Variants in CNTNAP5 observed in about 807,000 individuals in gnomAD.
CNTNAP5 encodes contactin-associated protein-like 5.
Under a neutral mutation model 150.2 loss-of-function variants are expected in CNTNAP5, and 72 were observed. The ratio of observed to expected loss-of-function variants is 0.48; its 90% CI spans 0.40 to 0.58. The LOEUF is 0.58. Ranked by LOEUF, CNTNAP5 falls within the 20% of genes least tolerant of loss-of-function variation. The pLI, the probability that CNTNAP5 is intolerant of heterozygous loss-of-function variation, is 0.00. For synonymous variants in CNTNAP5, 672 were observed against 619.8 expected (o/e 1.08, Z -1.25); for missense variants, 1,636 against 1,626.2 (o/e 1.01, Z -0.10).
intron 3 of CNTNAP5, among the ~76,000 whole-genome samples, chr2:124,413,095 G>T (rs939124281): frequency 4.4e-5 from 4 of 90,316 alleles, no homozygotes; most frequent in African/African-American, 8.1e-5. Context: ...CTTCTCAAAA[G>T]AAGACATTTA....
At chr2:124,688,937 A>C (rs1679247357) in intron 13 of CNTNAP5, among the ~76,000 whole-genome samples, 1 of 152,112 alleles carries the variant, frequency 6.6e-6, no homozygotes, top group South Asian at 2.1e-4. Context: ...AAAACATTGA[A>C]TTCAGTGGTA....
At chr2:124,443,162 A>G (rs1692718762) in intron 5 of CNTNAP5, among the ~76,000 whole-genome samples, 1 of 151,596 alleles carries the variant, frequency 6.6e-6, no homozygotes, top group Admixed American at 6.6e-5. Flanking sequence ...TAAAGTAAAT[A>G]GAAACATCTA....
intron 19 of CNTNAP5, among the ~76,000 whole-genome samples, chr2:124,828,717 G>C (rs886795612): frequency 4.5e-5 from 4 of 88,026 alleles, no homozygotes; most frequent in South Asian, 4.1e-4. Context: ...ATGCCTTGCA[G>C]ACCAATGCAA....
intron 14 of CNTNAP5, among the ~76,000 whole-genome samples, chr2:124,753,328 A>G (rs912513554): frequency 1.6e-4 from 24 of 152,200 alleles, no homozygotes; most frequent in African/African-American, 5.3e-4. Context: ...TTACAGAGAA[A>G]TTATTTAATA....
intron 19 of CNTNAP5, among the ~76,000 whole-genome samples, chr2:124,850,275 T>A (rs1213408094): frequency 6.6e-6 from 1 of 152,060 alleles, no homozygotes; most frequent in Non-Finnish European, 1.5e-5. Context: ...ACAGATGTAA[T>A]AAATTAAGTT....
intron 14 of CNTNAP5, among the ~76,000 whole-genome samples, chr2:124,760,224 G>C (rs1246099410): frequency 6.6e-6 from 1 of 151,802 alleles, no homozygotes; most frequent in Non-Finnish European, 1.5e-5. Context: ...CTGAGTTCTT[G>C]AATTCTTCCT....
intron 1 of CNTNAP5, among the ~76,000 whole-genome samples, chr2:124,179,049 TTAG>T (rs1685138808): frequency 6.6e-6 from 1 of 151,726 alleles, no homozygotes; most frequent in Admixed American, 6.6e-5. Context: ...TGTATTGATA[TTAG>T]TGTTTCACCC....
intron 4 of CNTNAP5, among the ~76,000 whole-genome samples, chr2:124,431,682 A>G (rs1453385398): frequency 1.5e-5 from 2 of 134,036 alleles, no homozygotes; most frequent in East Asian, 2.1e-4. Flanking sequence ...ATAAATATAA[A>G]TAAATTTTAA....
chr2:124,164,718 G>A (rs546824035), intron 1 of CNTNAP5, among the ~76,000 whole-genome samples: 2 of 152,140 alleles, frequency 1.3e-5, no homozygotes, highest in Admixed American at 6.6e-5. Flanking sequence ...ACAGGGCCAC[G>A]TAAATCACAT....
At chr2:124,797,782 C>A (rs1257642408) in intron 18 of CNTNAP5, among the ~76,000 whole-genome samples, 1 of 152,150 alleles carries the variant, frequency 6.6e-6, no homozygotes, top group Non-Finnish European at 1.5e-5. Flanking sequence ...AGGAAATTAG[C>A]CAGGCAAGTG....
chr2:124,714,701 TTATACTA>T (rs1292600307), intron 13 of CNTNAP5, among the ~76,000 whole-genome samples: 2 of 151,406 alleles, frequency 1.3e-5, no homozygotes, highest in African/African-American at 4.8e-5. Flanking sequence ...ATATTGTACT[TTATACTA>T]TATATTGTAT....
intron 3 of CNTNAP5, among the ~76,000 whole-genome samples, chr2:124,314,539 T>C: frequency 6.6e-6 from 1 of 152,224 alleles, no homozygotes; most frequent in East Asian, 1.9e-4. Context: ...CACTTGATTA[T>C]GTCTGACTTC....
At chr2:124,654,959 T>C (rs1041782338) in intron 13 of CNTNAP5, among the ~76,000 whole-genome samples, 2 of 151,830 alleles carry the variant, frequency 1.3e-5, no homozygotes, top group Non-Finnish European at 1.5e-5. Flanking sequence ...CTCCCTATCA[T>C]CTTTTTATTA....
intron 17 of CNTNAP5, among the ~76,000 whole-genome samples, chr2:124,776,011 C>G (rs944651093): frequency 6.6e-6 from 1 of 152,212 alleles, no homozygotes; most frequent in African/African-American, 2.4e-5. Flanking sequence ...GTACTATTGT[C>G]TTTATCTGCA....
At chr2:124,312,435 GCACCA>G (rs1688852903) in intron 3 of CNTNAP5, among the ~76,000 whole-genome samples, 2 of 151,894 alleles carry the variant, frequency 1.3e-5, no homozygotes, top group African/African-American at 4.8e-5. Context: ...TGCAACCTCC[GCACCA>G]CTCCCCACCC....
intron 3 of CNTNAP5, among the ~76,000 whole-genome samples, chr2:124,302,441 T>C (rs1688587906): frequency 6.6e-6 from 1 of 152,166 alleles, no homozygotes; most frequent in South Asian, 2.1e-4. Context: ...CAAGAGCATG[T>C]CTCTGGCATC....
chr2:124,458,645 A>T (rs559435835), intron 6 of CNTNAP5, among the ~76,000 whole-genome samples: 2 of 152,188 alleles, frequency 1.3e-5, no homozygotes, highest in South Asian at 2.1e-4. Context: ...ACCAAACACC[A>T]CCTGTTCCCC....
intron 3 of CNTNAP5, among the ~76,000 whole-genome samples, chr2:124,407,119 T>C (rs1691591461): frequency 6.6e-6 from 1 of 152,208 alleles, no homozygotes. Context: ...TCTATATCTT[T>C]GCTGTTGTAA....
At chr2:124,548,845 T>C (rs1475827528) in intron 10 of CNTNAP5, among the ~76,000 whole-genome samples, 1 of 152,152 alleles carries the variant, frequency 6.6e-6, no homozygotes, top group African/African-American at 2.4e-5. Context: ...CTGAAAGGGA[T>C]CAATAATTGC....
Sources: gnomAD v4.1 joint callset for allele counts (sites outside exome capture counted in the v4.1 genomes callset) on GRCh38, gnomAD v4.1.1 for gene constraint, MANE v1.5 for transcripts, NCBI Gene and HGNC (gene_info 2026-07-23, HGNC 2026-07-21) for gene names.